The following CFAP299 variants were observed in gnomAD, a reference collection of about 807,000 sequenced individuals.
CFAP299 encodes the protein cilia and flagella associated protein 299.
A neutral mutation model predicts 27.0 loss-of-function variants in CFAP299; 21 were observed. The ratio of observed to expected loss-of-function variants is 0.78; its 90% CI spans 0.55 to 1.12. The LOEUF is 1.12. Ranked by LOEUF, CFAP299 falls within the 50% of genes most tolerant of loss-of-function variation. The probability of loss-of-function intolerance (pLI) is 0.00; values close to 1 mark genes in which losing one functional copy is unlikely to be tolerated. For missense variants in CFAP299, 310 were observed against 276.6 expected, an observed-to-expected ratio of 1.12 and a Z score of -0.86; for synonymous variants, 104 against 98.1, an observed-to-expected ratio of 1.06 and a Z score of -0.36.
intron 5 of CFAP299, among the ~76,000 whole-genome samples, chr4:80,951,794 C>A (rs990645144): frequency 6.6e-6 from 1 of 152,166 alleles, no homozygotes; most frequent in Non-Finnish European, 1.5e-5. Flanking sequence ...TATCAAACTT[C>A]ATTCATTTAA....
chr4:80,899,937 T>A (rs1734802286), intron 4 of CFAP299, among the ~76,000 whole-genome samples: 1 of 152,166 alleles, frequency 6.6e-6, no homozygotes, highest in Non-Finnish European at 1.5e-5. Flanking sequence ...AAATGCCCAT[T>A]GTGTCTGGAA....
rs201443655 is a variant in CFAP299 at position 80,473,819 on chromosome 4, TG to T, written c.243-109271del. ...GTTTTCTAGGCTGGTTTCAAACTCCTGGGCTGAAGCAATCCTCCCACCTTGG... is the reference window on the plus strand; with the variant it reads ...GTTTTCTAGGCTGGTTTCAAACTCCTGGCTGAAGCAATCCTCCCACCTTGG... On this transcript the variant is annotated intron_variant, in intron 2 of 5. Transcript: ENST00000358105. 8.6e-3 allele frequency among the ~76,000 whole-genome samples: 1,309 copies of T among 152,306 alleles called. 19 individuals are homozygous for T. Among genetic ancestry groups the T allele is most frequent in the African/African-American group, 0.03 (1,250 of 41,560 alleles).
intron 2 of CFAP299, among the ~76,000 whole-genome samples, chr4:80,366,482 C>G (rs533853911): frequency 6.6e-6 from 1 of 152,168 alleles, no homozygotes; most frequent in Non-Finnish European, 1.5e-5. Flanking sequence ...TTTTGGGCTT[C>G]TATTCAGTCT....
At chr4:80,941,767 T>C (rs919747320) in intron 4 of CFAP299, among the ~76,000 whole-genome samples, 3 of 152,162 alleles carry the variant, frequency 2.0e-5, no homozygotes, top group Non-Finnish European at 2.9e-5. Context: ...TAGGGAGCTT[T>C]CACTCATGGT....
rs559840778 is a variant in CFAP299 at position 80,630,860 on chromosome 4, G to A, written c.333+47677G>A. Among the ~76,000 whole-genome samples the A allele has an allele frequency of 1.1e-3, 172 of 152,070 alleles. No homozygotes were observed. The Middle Eastern group carries it at 0.021, about 18-fold the overall frequency. ...TTTTCTTACACATACATACTTAAGA[G>A]TTACGTTAACATATTACTTCAGGAC... On this transcript the variant is annotated intron_variant, in intron 3 of 5. Coordinates refer to ENST00000358105, the MANE Select transcript of CFAP299 (RefSeq NM_152770.3).
At chr4:80,864,468 ACCTAT>A (rs1732580163) in intron 3 of CFAP299, among the ~76,000 whole-genome samples, 1 of 142,836 alleles carries the variant, frequency 7.0e-6, no homozygotes, top group Non-Finnish European at 1.5e-5. Flanking sequence ...GTATATATAT[ACCTAT>A]GTGTATACAT....
At chr4:80,956,156 G>A (rs1738052888) in intron 5 of CFAP299, among the ~76,000 whole-genome samples, 2 of 152,020 alleles carry the variant, frequency 1.3e-5, no homozygotes, top group African/African-American at 4.8e-5. Flanking sequence ...CCCCACTTAG[G>A]ACAGATTTCT....
At chr4:80,748,005 C>G (rs1724718695) in intron 3 of CFAP299, among the ~76,000 whole-genome samples, 1 of 152,022 alleles carries the variant, frequency 6.6e-6, no homozygotes. Flanking sequence ...ATTTAGATGT[C>G]TTACAGGTAC....
chr4:80,548,339 C>T (rs1191215003), intron 2 of CFAP299, among the ~76,000 whole-genome samples: 1 of 152,106 alleles, frequency 6.6e-6, no homozygotes, highest in Non-Finnish European at 1.5e-5. Flanking sequence ...ATTTTACAGA[C>T]ATGGACCCAA....
intron 4 of CFAP299, chr4:80,870,653 C>T (rs1733030850): frequency 1.0e-6 from 1 of 985,622 alleles, no homozygotes; most frequent in South Asian, 4.7e-5. Context: ...TAGCATCTAC[C>T]CTACACTGCC....
intron 1 of CFAP299, among the ~76,000 whole-genome samples, chr4:80,340,928 AC>A (rs1722417677): frequency 6.6e-6 from 1 of 152,112 alleles, no homozygotes; most frequent in Admixed American, 6.5e-5. Context: ...GGTATGCACC[AC>A]CACACCCAGC....
At chr4:80,628,083 T>C (rs1429621966) in intron 3 of CFAP299, among the ~76,000 whole-genome samples, 1 of 152,110 alleles carries the variant, frequency 6.6e-6, no homozygotes, top group African/African-American at 2.4e-5. Context: ...GACTTCAAAA[T>C]ATGTTACAAA....
At chr4:80,718,129 A>T (rs1387313107) in intron 3 of CFAP299, among the ~76,000 whole-genome samples, 1 of 152,122 alleles carries the variant, frequency 6.6e-6, no homozygotes, top group Admixed American at 6.6e-5. Flanking sequence ...AATCATCAGT[A>T]TAGTTTTTCT....
intron 3 of CFAP299, among the ~76,000 whole-genome samples, chr4:80,809,545 T>G (rs1022668726): frequency 6.6e-6 from 1 of 152,094 alleles, no homozygotes; most frequent in South Asian, 2.1e-4. Context: ...GAGTCATAAT[T>G]GCCACCACCC....
chr4:80,938,333 G>T (rs1175837981), intron 4 of CFAP299, among the ~76,000 whole-genome samples: 1 of 152,172 alleles, frequency 6.6e-6, no homozygotes, highest in Admixed American at 6.5e-5. Flanking sequence ...ATGAGGGCAA[G>T]GAACACCTGG....
chr4:80,772,299 G>A (rs1475315531), intron 3 of CFAP299, among the ~76,000 whole-genome samples: 1 of 152,128 alleles, frequency 6.6e-6, no homozygotes, highest in Non-Finnish European at 1.5e-5. Context: ...AGAGTTGCCA[G>A]ACAATAGTGT....
intron 3 of CFAP299, among the ~76,000 whole-genome samples, chr4:80,850,761 A>C (rs893401950): frequency 2.0e-5 from 3 of 152,064 alleles, no homozygotes; most frequent in Non-Finnish European, 4.4e-5. Flanking sequence ...TTGAAAATGG[A>C]TAGAGTGAGG....
chr4:80,789,088 A>C (rs1727407525), intron 3 of CFAP299, among the ~76,000 whole-genome samples: 1 of 152,152 alleles, frequency 6.6e-6, no homozygotes, highest in Non-Finnish European at 1.5e-5. Context: ...CACAGATTAT[A>C]CATACATGCA....
intron 2 of CFAP299, among the ~76,000 whole-genome samples, chr4:80,384,854 T>C (rs190833405): frequency 6.4e-4 from 98 of 152,288 alleles, no homozygotes; most frequent in Non-Finnish European, 1.2e-3. Flanking sequence ...GAGTCCCTGC[T>C]AGGTTCTTTT....
Sources: gnomAD v4.1 joint callset for allele counts (sites outside exome capture counted in the v4.1 genomes callset) on GRCh38, gnomAD v4.1.1 for gene constraint, MANE v1.5 for transcripts, NCBI Gene and HGNC (gene_info 2026-07-23, HGNC 2026-07-21) for gene names.